ADAMTSL1: variants seen among roughly 807,000 people sequenced by gnomAD.
ADAMTSL1 encodes the protein ADAMTS-like protein 1.
In ADAMTSL1, 126 loss-of-function variants were observed where a neutral mutation model predicts 201.8. That is an observed-to-expected ratio of 0.62 (90% CI 0.54 to 0.72). ADAMTSL1 has a LOEUF of 0.72. Ranked by LOEUF, ADAMTSL1 falls within the 30% of genes least tolerant of loss-of-function variation. ADAMTSL1 has a pLI of 0.00. For synonymous variants in ADAMTSL1, 1,121 were observed against 903.4 expected (o/e 1.24, Z -4.32); for missense variants, 2,679 against 2,277.8 (o/e 1.18, Z -3.59).
intron 1 of ADAMTSL1, among the ~76,000 whole-genome samples, chr9:18,490,417 T>A (rs1228564407): frequency 1.3e-5 from 2 of 152,088 alleles, no homozygotes; most frequent in Non-Finnish European, 2.9e-5. Flanking sequence ...TGTCTGTATG[T>A]TCATCACTAT....
chr9:18,407,276 A>G (rs75616061), intron 2 of ADAMTSL1, among the ~76,000 whole-genome samples: 3,320 of 152,298 alleles, frequency 0.022, 127 homozygotes, highest in African/African-American at 0.076. Context: ...CAAATGATTG[A>G]GCAGTGGAAA....
At chr9:18,635,833 A>T in intron 5 of ADAMTSL1, 110 bp from the exon 6 acceptor site, 2 of 878,402 alleles carry the variant, frequency 2.3e-6, no homozygotes, top group Non-Finnish European at 3.5e-6. Flanking sequence ...TCAAACACTT[A>T]AAAAAACTGT....
rs1827904368 is a variant in ADAMTSL1, at chr9:18,872,158, T to G, written c.4250-15673T>G. Reference sequence around the variant, plus strand: ...CTGCCTGTATCATTCCTAAATAACCTTCTTTTTTTTTTAACAGATAGAATA... The same window carrying G: ...CTGCCTGTATCATTCCTAAATAACCGTCTTTTTTTTTTAACAGATAGAATA... On this transcript the variant is annotated intron_variant, in intron 23 of 28. Coordinates refer to ENST00000380548, the MANE Select transcript of ADAMTSL1 (RefSeq NM_001040272.6). 3.4e-5 allele frequency among the ~76,000 whole-genome samples: 3 copies of G among 87,326 alleles called. No homozygotes were observed. The South Asian group carries it at 1.1e-3, about 33-fold the overall frequency. The allele number at this position is 87,326 out of a possible 152,430, so 57.3% of individuals were successfully genotyped here.
At position 18,622,357 on chromosome 9, in the gene ADAMTSL1, T is replaced by C. The variant is rs766822508; in HGVS notation, c.589T>C (p.Ser197Pro). Residue 197 changes from serine to proline, a missense_variant, in exon 5 of 29, where the codon TCC becomes CCC. By Grantham distance (74) the Ser-to-Pro change is moderately conservative. Transcript: ENST00000380548. ...LVRGQYKSQLSATKSDDTVVA... is the reference protein window; with the variant it reads ...LVRGQYKSQLPATKSDDTVVA... Reference sequence around the variant, plus strand: ...CCGAGGGCAGTATAAATCCCAGCTCTCCGCAACCAAATGTAAGACACACAG... The same window carrying C: ...CCGAGGGCAGTATAAATCCCAGCTCCCCGCAACCAAATGTAAGACACACAG... 6.2e-7 allele frequency: 1 copy of C among 1,614,026 alleles called. No individual in the cohort carries two copies. The highest frequency in any genetic ancestry group is 1.1e-5 in the South Asian group (1 of 91,076).
chr9:18,479,341 C>T (rs568086070), intron 1 of ADAMTSL1, among the ~76,000 whole-genome samples: 1 of 152,220 alleles, frequency 6.6e-6, no homozygotes, highest in Admixed American at 6.5e-5. Context: ...ATTGTCTTTC[C>T]CAAGAAACTC....
chr9:18,607,824 G>A (rs936136915), intron 4 of ADAMTSL1, among the ~76,000 whole-genome samples: 17 of 151,558 alleles, frequency 1.1e-4, no homozygotes, highest in African/African-American at 1.9e-4. Context: ...GAGAACATGC[G>A]GTGTTCGGTT....
chr9:18,206,877 G>C (rs1313482680), intron 2 of ADAMTSL1, among the ~76,000 whole-genome samples: 1 of 152,052 alleles, frequency 6.6e-6, no homozygotes, highest in Non-Finnish European at 1.5e-5. Context: ...AAAGAAAGTG[G>C]AGTGGGCTTG....
chr9:18,159,135 T>C (rs901083111), intron 1 of ADAMTSL1, among the ~76,000 whole-genome samples: 13 of 152,072 alleles, frequency 8.5e-5, no homozygotes, highest in South Asian at 6.2e-4. Context: ...CTTATATTGT[T>C]TGCATTATTA....
Position 18,573,920 on chromosome 9 carries a change from G to T in ADAMTSL1, c.238-110G>T, listed in dbSNP as rs13300372. ...TTATAAGTTCCATCTATCATGACCA[G>T]GACATTTGTTTTGCTTTCTAAGACC... On this transcript the variant is annotated intron_variant, in intron 3 of 28. Transcript: ENST00000380548. The T allele has an allele frequency of 5.2e-6, 4 of 770,542 alleles. No individual in the cohort carries two copies. The South Asian group carries it at 5.2e-5, about 10-fold the overall frequency. The allele number at this position is 770,542 out of a possible 1,614,324, so 47.7% of individuals were successfully genotyped here. A position where few individuals can be genotyped will look rare whatever the true frequency, so the allele number is the denominator to read the frequency against.
intron 1 of ADAMTSL1, among the ~76,000 whole-genome samples, chr9:18,035,376 G>A (rs901930037): frequency 2.0e-5 from 3 of 152,192 alleles, no homozygotes; most frequent in African/African-American, 7.2e-5. Flanking sequence ...AGCCAAAGGA[G>A]GAGCAAAAAG....
At chr9:18,825,726 C>T (rs1824507133) in intron 21 of ADAMTSL1, among the ~76,000 whole-genome samples, 1 of 151,706 alleles carries the variant, frequency 6.6e-6, no homozygotes, top group African/African-American at 2.4e-5. Context: ...CAACCCCTCC[C>T]CATTCATTCC....
chr9:18,846,449 C>T (rs1826118730), intron 23 of ADAMTSL1, among the ~76,000 whole-genome samples: 1 of 152,100 alleles, frequency 6.6e-6, no homozygotes, highest in African/African-American at 2.4e-5. Context: ...AAATAGAAAA[C>T]CTTTCAAGAA....
intron 15 of ADAMTSL1, among the ~76,000 whole-genome samples, chr9:18,745,293 T>C (rs556291384): frequency 8.3e-4 from 126 of 152,330 alleles, no homozygotes; most frequent in Admixed American, 2.2e-3. Context: ...CTAAGGTAGT[T>C]TTCTCTTCTC....
chr9:18,450,355 T>C (rs541050099), intron 2 of ADAMTSL1, among the ~76,000 whole-genome samples: 147 of 152,294 alleles, frequency 9.7e-4, no homozygotes, highest in African/African-American at 3.5e-3. Context: ...ATTCAACTTA[T>C]ACCTCAATAA....
At chr9:18,568,886 T>G (rs1053070471) in intron 3 of ADAMTSL1, among the ~76,000 whole-genome samples, 1 of 152,060 alleles carries the variant, frequency 6.6e-6, no homozygotes, top group Non-Finnish European at 1.5e-5. Context: ...ATTAATAGAA[T>G]AGGACTACCA....
intron 2 of ADAMTSL1, among the ~76,000 whole-genome samples, chr9:18,508,959 T>C (rs901883790): frequency 7.6e-6 from 1 of 132,214 alleles, no homozygotes; most frequent in Middle Eastern, 3.6e-3. Flanking sequence ...CCGAGGCGGG[T>C]GGATCATGAG....
chr9:18,665,280 CT>C (rs1829362777), intron 9 of ADAMTSL1, among the ~76,000 whole-genome samples: 1 of 152,020 alleles, frequency 6.6e-6, no homozygotes, highest in Non-Finnish European at 1.5e-5. Context: ...AATAGCTTCC[CT>C]ATTCTCATTA....
intron 2 of ADAMTSL1, among the ~76,000 whole-genome samples, chr9:18,529,722 G>T (rs567061860): frequency 2.6e-5 from 4 of 152,186 alleles, no homozygotes; most frequent in African/African-American, 9.6e-5. Context: ...TTTCAATAAT[G>T]ATCACCTTGC....
chr9:18,637,418 T>TG (rs1827172358), intron 6 of ADAMTSL1, among the ~76,000 whole-genome samples: 1 of 152,116 alleles, frequency 6.6e-6, no homozygotes, highest in Non-Finnish European at 1.5e-5. Flanking sequence ...CATCACCAAG[T>TG]GGGGGACTGA....
Sources: allele counts gnomAD v4.1 joint callset (sites outside exome capture counted in the v4.1 genomes callset), GRCh38; gene constraint gnomAD v4.1.1; transcripts MANE v1.5; gene names NCBI Gene and HGNC (gene_info 2026-07-23, HGNC 2026-07-21).